STPG2: variants seen among roughly 807,000 people sequenced by gnomAD.
STPG2 encodes sperm tail PG-rich repeat containing 2, also known as sperm-tail PG-rich repeat-containing protein 2.
Under a neutral mutation model 54.2 loss-of-function variants are expected in STPG2, and 56 were observed. The ratio of observed to expected loss-of-function variants is 1.03; its 90% CI spans 0.83 to 1.29. The LOEUF (loss-of-function observed/expected upper bound fraction) is 1.29. Among genes scored for constraint, STPG2 ranks in the 50% most tolerant of loss-of-function variants. The pLI is 0.00. For missense variants in STPG2, 596 were observed against 544.9 expected (o/e 1.09, Z -0.93); for synonymous variants, 200 against 181.8 (o/e 1.10, Z -0.81).
chr4:97,526,572 C>G (rs1389470450), intron 4 of STPG2, among the ~76,000 whole-genome samples: 1 of 151,840 alleles, frequency 6.6e-6, no homozygotes, highest in Non-Finnish European at 1.5e-5. Context: ...TTCTGGATAT[C>G]AGCCCTTTGT....
chr4:97,912,567 C>CA (rs1278331514), intron 8 of STPG2, among the ~76,000 whole-genome samples: 1 of 152,110 alleles, frequency 6.6e-6, no homozygotes, highest in East Asian at 1.9e-4. Flanking sequence ...GAAAGAATCT[C>CA]AGAGCTTGAA....
At chr4:97,833,348 A>G (rs1299527686) in intron 9 of STPG2, among the ~76,000 whole-genome samples, 1 of 152,230 alleles carries the variant, frequency 6.6e-6, no homozygotes, top group Non-Finnish European at 1.5e-5. Context: ...CTTAAACAAA[A>G]ATTAACTCAA....
intron 9 of STPG2, among the ~76,000 whole-genome samples, chr4:97,811,653 A>G (rs1284112409): frequency 6.6e-6 from 1 of 150,924 alleles, no homozygotes; most frequent in Admixed American, 6.6e-5. Context: ...ATTTATACTC[A>G]TGTCCTAAAG....
intron 10 of STPG2, among the ~76,000 whole-genome samples, chr4:97,578,882 G>T (rs1010852557): frequency 2.0e-5 from 3 of 152,058 alleles, no homozygotes; most frequent in Non-Finnish European, 4.4e-5. Context: ...GCATAGTCAG[G>T]CCTCCACTGG....
At chr4:97,735,260 T>C (rs1724942539) in intron 9 of STPG2, among the ~76,000 whole-genome samples, 1 of 151,634 alleles carries the variant, frequency 6.6e-6, no homozygotes, top group Admixed American at 6.6e-5. Flanking sequence ...TAGGTGTGTA[T>C]CTATATATAT....
At chr4:97,889,814 T>G (rs1274796771) in intron 8 of STPG2, among the ~76,000 whole-genome samples, 2 of 152,026 alleles carry the variant, frequency 1.3e-5, no homozygotes, top group East Asian at 3.9e-4. Context: ...CCTAAGAGAG[T>G]GACATACAAT....
At chr4:97,990,077 T>C (rs912410969) in intron 5 of STPG2, among the ~76,000 whole-genome samples, 1 of 152,232 alleles carries the variant, frequency 6.6e-6, no homozygotes, top group Non-Finnish European at 1.5e-5. Flanking sequence ...TGGTCACTAC[T>C]AGAGGTCATA....
chr4:98,017,484 A>G (rs957596864), intron 5 of STPG2, among the ~76,000 whole-genome samples: 2 of 152,126 alleles, frequency 1.3e-5, no homozygotes, highest in Non-Finnish European at 2.9e-5. Context: ...TTCCTTTCCC[A>G]ACACATTTCT....
intron 10 of STPG2, among the ~76,000 whole-genome samples, chr4:97,644,298 T>C (rs908660426): frequency 3.3e-5 from 5 of 152,036 alleles, no homozygotes; most frequent in Admixed American, 1.3e-4. Context: ...TACATTAGTT[T>C]CTTTCCCTTT....
chr4:97,593,415 C>T (rs181688263), intron 10 of STPG2, among the ~76,000 whole-genome samples: 38 of 152,292 alleles, frequency 2.5e-4, no homozygotes, highest in African/African-American at 7.7e-4. Flanking sequence ...CTGGTGTCAG[C>T]GCATCCTGGG....
intron 10 of STPG2, among the ~76,000 whole-genome samples, chr4:97,676,485 T>C (rs1722850410): frequency 6.6e-6 from 1 of 151,254 alleles, no homozygotes; most frequent in Non-Finnish European, 1.5e-5. Flanking sequence ...GAAACCTGTG[T>C]GATACACAAC....
At chr4:97,528,398 T>C (rs1560645272) in intron 4 of STPG2, among the ~76,000 whole-genome samples, 1 of 152,196 alleles carries the variant, frequency 6.6e-6, no homozygotes, top group Admixed American at 6.5e-5. Flanking sequence ...TTTTGGTTAT[T>C]GTAGCTTTGG....
chr4:97,634,857 C>T (rs539167150), intron 10 of STPG2, among the ~76,000 whole-genome samples: 3 of 150,300 alleles, frequency 2.0e-5, no homozygotes, highest in East Asian at 2.0e-4. Context: ...ACCAAATCTA[C>T]GTCTGATTGG....
At chr4:97,894,791 G>C (rs986785794) in intron 8 of STPG2, among the ~76,000 whole-genome samples, 1 of 151,894 alleles carries the variant, frequency 6.6e-6, no homozygotes, top group African/African-American at 2.4e-5. Context: ...TCAGAGACTG[G>C]GGTCTCAACA....
chr4:97,944,022 G>A lies in STPG2; in HGVS notation c.934-15C>T. The A allele has an allele frequency of 1.3e-6, 2 of 1,540,980 alleles. No individual in the cohort carries two copies. The highest frequency in any genetic ancestry group is 1.8e-6 in the Non-Finnish European group (2 of 1,117,512). On this transcript the variant is annotated splice_polypyrimidine_tract_variant and intron_variant, in intron 7 of 10. Coordinates refer to ENST00000295268, the MANE Select transcript of STPG2 (RefSeq NM_174952.3). ...TGCCAAAATTCCTGTTGAAAGAAGG[G>A]GTTAAAAAGAGTACATCATTTATTT...
chr4:98,099,553 T>C (rs1160068296), intron 5 of STPG2, among the ~76,000 whole-genome samples: 2 of 152,134 alleles, frequency 1.3e-5, no homozygotes, highest in African/African-American at 2.4e-5. Context: ...GGCCTACTAT[T>C]TGATAGCACA....
intron 9 of STPG2, among the ~76,000 whole-genome samples, chr4:97,728,915 G>A (rs1015224915): frequency 6.6e-6 from 1 of 151,918 alleles, no homozygotes; most frequent in Non-Finnish European, 1.5e-5. Flanking sequence ...GTGTGTGTGT[G>A]AGAGAAAGAG....
At chr4:97,755,644 A>C (rs879483113) in intron 9 of STPG2, among the ~76,000 whole-genome samples, 1 of 152,186 alleles carries the variant, frequency 6.6e-6, no homozygotes, top group Non-Finnish European at 1.5e-5. Flanking sequence ...GCATACCCAA[A>C]TTTGACCAAT....
In STPG2 at chr4:98,109,345, A is replaced by G. The variant is rs376903234; in HGVS notation, c.388-40T>C. 1.3e-5 allele frequency: 19 copies of G among 1,417,700 alleles called. No homozygotes were observed. In the African/African-American group the frequency reaches 1.9e-4, roughly 14 times the overall value. 87.8% of individuals were successfully genotyped at this position (1,417,700 alleles called of 1,614,324 possible). On this transcript the variant is annotated intron_variant, in intron 3 of 10. Transcript: ENST00000295268. ...GTTTTAAAAAGTGAGGATGAAACAT[A>G]GTTTAAATAAGTCATGAAACAATGT...
Sources: gnomAD v4.1 joint callset for allele counts (sites outside exome capture counted in the v4.1 genomes callset) on GRCh38, gnomAD v4.1.1 for gene constraint, MANE v1.5 for transcripts, NCBI Gene and HGNC (gene_info 2026-07-23, HGNC 2026-07-21) for gene names.